The following SCFD2 variants were observed in gnomAD, a reference collection of about 807,000 sequenced individuals.
SCFD2 encodes the protein sec1 family domain-containing protein 2.
Under a neutral mutation model 58.9 loss-of-function variants are expected in SCFD2, and 54 were observed. That is an observed-to-expected ratio of 0.92 (90% CI 0.74 to 1.15). SCFD2 has a LOEUF of 1.15. Among genes scored for constraint, SCFD2 ranks in the 50% most tolerant of loss-of-function variants. The pLI is 0.00. For synonymous variants in SCFD2, 321 were observed against 335.9 expected (o/e 0.96, Z 0.49); for missense variants, 805 against 836.6 (o/e 0.96, Z 0.47).
chr4:53,238,569 C>T (rs1219501580), intron 4 of SCFD2, among the ~76,000 whole-genome samples: 56 of 147,650 alleles, frequency 3.8e-4, no homozygotes, highest in African/African-American at 1.2e-3. Context: ...CCAGATGGGG[C>T]GGCTGCCGGG....
chr4:53,248,391 C>T (rs185460151), intron 4 of SCFD2, among the ~76,000 whole-genome samples: 1 of 152,324 alleles, frequency 6.6e-6, no homozygotes, highest in East Asian at 1.9e-4. Context: ...AACAAAGCAG[C>T]CAGGAAATTC....
intron 5 of SCFD2, among the ~76,000 whole-genome samples, chr4:53,051,385 C>T (rs1325780589): frequency 6.6e-6 from 1 of 152,020 alleles, no homozygotes; most frequent in Non-Finnish European, 1.5e-5. Context: ...GTGAAATGAG[C>T]CCCTTCCAGG....
At chr4:53,266,907 CTCTTT>C in intron 4 of SCFD2, among the ~76,000 whole-genome samples, 1 of 152,272 alleles carries the variant, frequency 6.6e-6, no homozygotes, top group East Asian at 1.9e-4. Flanking sequence ...AAAAAGGTTT[CTCTTT>C]TAAGCATATA....
At position 53,162,533 on chromosome 4, in the gene SCFD2, G is replaced by A. The variant is rs1321536439; in HGVS notation, c.1312-16951C>T. On this transcript the variant is annotated intron_variant, in intron 4 of 8. Transcript: ENST00000401642. ...CGCGACACTGACTTCCACAATGGTT[G>A]AACTAGTTTACAGTCCCACCAACAG... Among the ~76,000 whole-genome samples the A allele has an allele frequency of 5.9e-5, 9 of 152,278 alleles. No homozygotes were observed. The South Asian group carries it at 1.7e-3, about 28-fold the overall frequency.
intron 2 of SCFD2, among the ~76,000 whole-genome samples, chr4:53,346,891 T>G (rs560797861): frequency 6.6e-6 from 1 of 152,330 alleles, no homozygotes; most frequent in South Asian, 2.1e-4. Flanking sequence ...AAGGAAATCA[T>G]GTTTTTATTT....
At chr4:53,242,977 G>T (rs1459993792) in intron 4 of SCFD2, among the ~76,000 whole-genome samples, 2 of 152,104 alleles carry the variant, frequency 1.3e-5, no homozygotes, top group African/African-American at 2.4e-5. Context: ...GAGAAATATG[G>T]AACTATGTAA....
intron 4 of SCFD2, among the ~76,000 whole-genome samples, chr4:53,251,192 G>C (rs892712722): frequency 6.6e-6 from 1 of 152,176 alleles, no homozygotes; most frequent in Non-Finnish European, 1.5e-5. Flanking sequence ...GGAAGAAGTT[G>C]AATCTCTGAA....
chr4:53,306,020 A>T (rs1270788698), intron 3 of SCFD2, among the ~76,000 whole-genome samples: 1 of 152,202 alleles, frequency 6.6e-6, no homozygotes, highest in Non-Finnish European at 1.5e-5. Context: ...AGGTGCAAAG[A>T]ATACTAAGAA....
chr4:52,954,743 T>G (rs780592680), intron 5 of SCFD2, among the ~76,000 whole-genome samples: 1 of 152,202 alleles, frequency 6.6e-6, no homozygotes, highest in Non-Finnish European at 1.5e-5. Flanking sequence ...GTCCAGGATC[T>G]AATCATGTCC....
At chr4:53,042,359 A>G (rs569836056) in intron 5 of SCFD2, among the ~76,000 whole-genome samples, 3 of 152,208 alleles carry the variant, frequency 2.0e-5, no homozygotes, top group African/African-American at 7.2e-5. Flanking sequence ...ATATATCATC[A>G]AAAGATCCAA....
At chr4:52,967,869 C>T (rs1487524511) in intron 5 of SCFD2, among the ~76,000 whole-genome samples, 1 of 152,180 alleles carries the variant, frequency 6.6e-6, no homozygotes, top group Admixed American at 6.5e-5. Flanking sequence ...TTTTCCCCTC[C>T]CTATGTCATT....
chr4:53,280,133 C>CT (rs752239933), intron 3 of SCFD2, among the ~76,000 whole-genome samples: 2 of 152,172 alleles, frequency 1.3e-5, no homozygotes, highest in African/African-American at 2.4e-5. Flanking sequence ...TTTACTGGCA[C>CT]TTTTAAAGAT....
chr4:52,947,297 G>C (rs922154205), intron 5 of SCFD2, among the ~76,000 whole-genome samples: 2 of 152,150 alleles, frequency 1.3e-5, no homozygotes, highest in African/African-American at 4.8e-5. Flanking sequence ...TCATTATTTA[G>C]AGCGAGCTCC....
At chr4:53,098,395 C>T (rs1199685250) in intron 5 of SCFD2, among the ~76,000 whole-genome samples, 6 of 152,100 alleles carry the variant, frequency 3.9e-5, no homozygotes, top group African/African-American at 7.2e-5. Flanking sequence ...AATTTCGGAG[C>T]ATGTTATTGG....
At chr4:52,990,193 G>C (rs758121808) in intron 5 of SCFD2, among the ~76,000 whole-genome samples, 4 of 152,196 alleles carry the variant, frequency 2.6e-5, no homozygotes, top group Non-Finnish European at 5.9e-5. Context: ...TCTGAAGAAT[G>C]AGCTGGTGAT....
intron 5 of SCFD2, among the ~76,000 whole-genome samples, chr4:53,045,828 A>G (rs1325265370): frequency 1.3e-5 from 2 of 152,218 alleles, no homozygotes; most frequent in African/African-American, 2.4e-5. Flanking sequence ...GTCAACTAAG[A>G]AAAATTTTAA....
In SCFD2 at chr4:52,872,987, A is replaced by T. The variant is rs982512471; in HGVS notation, c.*982T>A. The T allele has an allele frequency of 6.6e-6, 1 of 152,200 alleles. No individual in the cohort carries two copies. Among genetic ancestry groups the T allele is most frequent in the Non-Finnish European group, 1.5e-5 (1 of 68,032 alleles). The allele number at this position is 152,200 out of a possible 1,614,324, so 9.4% of individuals were successfully genotyped here. The stretch of plus-strand genomic sequence containing the variant: ...TGTAATCCACAATAAAAACCTTTTC[A>T]GTTTTATCTCTTTATTACCAACATG... On this transcript the variant is annotated 3_prime_UTR_variant, in exon 9 of 9. Transcript: ENST00000401642.
intron 1 of SCFD2, among the ~76,000 whole-genome samples, chr4:53,354,265 C>T (rs1038966869): frequency 3.3e-5 from 5 of 152,192 alleles, no homozygotes; most frequent in African/African-American, 9.6e-5. Context: ...AGAATTCAAT[C>T]GTGGTGTGGG....
intron 3 of SCFD2, among the ~76,000 whole-genome samples, chr4:53,309,246 A>G (rs1317989368): frequency 6.6e-6 from 1 of 152,232 alleles, no homozygotes; most frequent in East Asian, 1.9e-4. Context: ...TTAACAAACT[A>G]GAGCTCTGCC....
Sources: allele counts gnomAD v4.1 joint callset (sites outside exome capture counted in the v4.1 genomes callset), GRCh38; gene constraint gnomAD v4.1.1; transcripts MANE v1.5; gene names NCBI Gene and HGNC (gene_info 2026-07-23, HGNC 2026-07-21).